Variants in ADGRB3 observed in about 807,000 individuals in gnomAD.
ADGRB3 encodes the protein adhesion G protein-coupled receptor B3.
ADGRB3 carries 37 observed loss-of-function variants against 193.4 expected under a neutral mutation model. That is an observed-to-expected ratio of 0.19 (90% CI 0.15 to 0.25). The LOEUF (loss-of-function observed/expected upper bound fraction) is 0.25, where lower values mean the gene tolerates loss of function less well. Ranked by LOEUF, ADGRB3 falls within the 10% of genes least tolerant of loss-of-function variation. The pLI is 1.00. For synonymous variants in ADGRB3, 690 were observed against 644.2 expected (o/e 1.07, Z -1.08); for missense variants, 1,637 against 1,852.9 (o/e 0.88, Z 2.14).
intron 4 of ADGRB3, among the ~76,000 whole-genome samples, chr6:68,932,475 ATATT>A (rs1554222418): frequency 6.6e-6 from 1 of 152,140 alleles, no homozygotes; most frequent in Non-Finnish European, 1.5e-5. Flanking sequence ...TGAATAATAA[ATATT>A]TATTCTTTTA....
At chr6:68,794,342 C>T (rs978321826) in intron 3 of ADGRB3, among the ~76,000 whole-genome samples, 1 of 151,442 alleles carries the variant, frequency 6.6e-6, no homozygotes, top group Non-Finnish European at 1.5e-5. Context: ...TACATATATG[C>T]ATATATACAT....
At chr6:69,385,250 CTT>C (rs1227982121) in intron 31 of ADGRB3, among the ~76,000 whole-genome samples, 4 of 151,950 alleles carry the variant, frequency 2.6e-5, no homozygotes, top group Non-Finnish European at 5.9e-5. Context: ...TAAGCATACT[CTT>C]TTTTGCTTCG....
At chr6:69,330,297 T>G (rs2127313051) in intron 22 of ADGRB3, among the ~76,000 whole-genome samples, 1 of 152,336 alleles carries the variant, frequency 6.6e-6, no homozygotes, top group South Asian at 2.1e-4. Context: ...TAAAACTTTC[T>G]TTTGAGTTAG....
intron 3 of ADGRB3, among the ~76,000 whole-genome samples, chr6:68,790,697 G>A (rs1767087151): frequency 2.0e-5 from 3 of 152,164 alleles, no homozygotes; most frequent in Admixed American, 2.0e-4. Context: ...TGGACCTCTA[G>A]CAAACTCCAA....
chr6:69,027,396 A>C (rs1228953112), intron 13 of ADGRB3, among the ~76,000 whole-genome samples: 3 of 152,156 alleles, frequency 2.0e-5, no homozygotes, highest in Non-Finnish European at 2.9e-5. Context: ...TTTCTTCCAG[A>C]ATACCTCCTG....
intron 26 of ADGRB3, among the ~76,000 whole-genome samples, chr6:69,349,023 A>G (rs763924211): frequency 2.6e-5 from 4 of 152,198 alleles, no homozygotes; most frequent in Non-Finnish European, 5.9e-5. Context: ...TTCCATTCCC[A>G]GCTCTGCTAC....
At chr6:68,809,745 G>C (rs1456323478) in intron 3 of ADGRB3, among the ~76,000 whole-genome samples, 1 of 152,054 alleles carries the variant, frequency 6.6e-6, no homozygotes, top group Non-Finnish European at 1.5e-5. Context: ...AAAAACACAG[G>C]TCCTGTGGAT....
At chr6:68,787,188 A>G (rs562817467) in intron 3 of ADGRB3, among the ~76,000 whole-genome samples, 48 of 152,214 alleles carry the variant, frequency 3.2e-4, no homozygotes, top group African/African-American at 1.1e-3. Flanking sequence ...TTCCAACACT[A>G]TGTTGAATAG....
At chr6:69,171,223 A>C (rs1347449210) in intron 17 of ADGRB3, among the ~76,000 whole-genome samples, 1 of 152,210 alleles carries the variant, frequency 6.6e-6, no homozygotes, top group Non-Finnish European at 1.5e-5. Flanking sequence ...TCGAATGCTC[A>C]ATAGCCACAT....
intron 26 of ADGRB3, among the ~76,000 whole-genome samples, chr6:69,341,073 CAT>C (rs1274895716): frequency 1.3e-5 from 2 of 152,176 alleles, no homozygotes; most frequent in African/African-American, 2.4e-5. Context: ...CCGCAATAAA[CAT>C]ATGTGTGCAT....
At chr6:68,701,982 A>G (rs2127309310) in intron 3 of ADGRB3, among the ~76,000 whole-genome samples, 1 of 152,246 alleles carries the variant, frequency 6.6e-6, no homozygotes, top group Middle Eastern at 3.4e-3. Flanking sequence ...GGACAAGCAC[A>G]GTTTATTCTG....
At chr6:69,088,644 G>T (rs1396865179) in intron 17 of ADGRB3, among the ~76,000 whole-genome samples, 3 of 152,222 alleles carry the variant, frequency 2.0e-5, no homozygotes. Context: ...AAAATGCTGG[G>T]ATGACAGGCA....
chr6:69,095,912 A>C (rs1323017735), intron 17 of ADGRB3, among the ~76,000 whole-genome samples: 4 of 152,184 alleles, frequency 2.6e-5, no homozygotes, highest in African/African-American at 9.7e-5. Flanking sequence ...CACTGGTTTT[A>C]ACAATTTCTT....
chr6:69,034,642 A>G (rs867648396), intron 13 of ADGRB3, among the ~76,000 whole-genome samples: 14 of 148,514 alleles, frequency 9.4e-5, no homozygotes, highest in Admixed American at 7.4e-4. Context: ...ATATATAACT[A>G]TATGGTGAGA....
chr6:69,038,386 T>C (rs1486005558), intron 13 of ADGRB3, among the ~76,000 whole-genome samples: 1 of 152,050 alleles, frequency 6.6e-6, no homozygotes. Flanking sequence ...ATACACAAGC[T>C]CTTTGTTTTG....
rs1157904938 is a variant in ADGRB3, at chr6:69,387,962, A to G, written c.4381-741A>G. On this transcript the variant is annotated intron_variant, in intron 31 of 31. Coordinates refer to ENST00000370598, the MANE Select transcript of ADGRB3 (RefSeq NM_001704.3). ...AATATTGGGCTTCTAAGATCATTTTAATAATTCTGAAAAAATAGAAATTGA... is the reference window on the plus strand; with the variant it reads ...AATATTGGGCTTCTAAGATCATTTTGATAATTCTGAAAAAATAGAAATTGA... Among the ~76,000 whole-genome samples, 5 of 152,250 alleles carry G rather than the reference A, an allele frequency of 3.3e-5. No individual in the cohort carries two copies. In the South Asian group the frequency reaches 1.0e-3, roughly 32 times the overall value.
Position 68,974,845 on chromosome 6 carries a change from A to G in ADGRB3, c.1608A>G (p.Gln536=), listed in dbSNP as rs777875005. The stretch of plus-strand genomic sequence containing the variant: ...CAGCAGGCGACTTGGCATTCAATCA[A>G]TGTCCCCTGAATGCCACAGGTACAG... ...RTPAGDLAFN[Q]CPLNATGTTS... is the part of the protein sequence containing the mutation. Residue 536 remains glutamine, a synonymous_variant, in exon 9 of 32, where the codon CAA becomes CAG. Coordinates refer to ENST00000370598, the MANE Select transcript of ADGRB3 (RefSeq NM_001704.3). The G allele has an allele frequency of 6.8e-6, 11 of 1,613,806 alleles. No homozygotes were observed. The highest frequency in any genetic ancestry group is 2.2e-5 in the East Asian group (1 of 44,874).
chr6:68,722,872 G>C (rs952438277), intron 3 of ADGRB3, among the ~76,000 whole-genome samples: 2 of 151,370 alleles, frequency 1.3e-5, no homozygotes, highest in African/African-American at 2.4e-5. Flanking sequence ...ATCAGATGAA[G>C]AGAACAAGCA....
chr6:69,318,049 GACA>G (rs578194317), intron 20 of ADGRB3, among the ~76,000 whole-genome samples: 2 of 151,348 alleles, frequency 1.3e-5, no homozygotes, highest in African/African-American at 4.8e-5. Flanking sequence ...TATCTGCAAT[GACA>G]ACAATGTGTA....
Sources: gnomAD v4.1 joint callset for allele counts (sites outside exome capture counted in the v4.1 genomes callset) on GRCh38, gnomAD v4.1.1 for gene constraint, MANE v1.5 for transcripts, NCBI Gene and HGNC (gene_info 2026-07-23, HGNC 2026-07-21) for gene names.